Variants in ADGRF5 observed in about 807,000 individuals in gnomAD.
ADGRF5 encodes the protein adhesion G protein-coupled receptor F5.
A neutral mutation model predicts 132.3 loss-of-function variants in ADGRF5; 75 were observed. The observed-to-expected ratio is 0.57, with a 90% CI of 0.47 to 0.69. The LOEUF is 0.69. ADGRF5 is among the 30% of genes least tolerant of loss of function. ADGRF5 has a pLI of 0.00. For missense variants in ADGRF5, 1,516 were observed against 1,630.6 expected, an observed-to-expected ratio of 0.93 and a Z score of 1.21; for synonymous variants, 629 against 597.6, an observed-to-expected ratio of 1.05 and a Z score of -0.77.
chr6:46,920,817 C>G (rs746056611), intron 1 of ADGRF5, among the ~76,000 whole-genome samples: 1 of 151,978 alleles, frequency 6.6e-6, no homozygotes, highest in African/African-American at 2.4e-5. Flanking sequence ...GAACCAAGAT[C>G]GTGCCACTGC....
chr6:46,927,477 C>T (rs1777313441), intron 1 of ADGRF5, among the ~76,000 whole-genome samples: 1 of 152,006 alleles, frequency 6.6e-6, no homozygotes, highest in Admixed American at 6.6e-5. Flanking sequence ...GAACCCCCAG[C>T]CCCCACCAAC....
chr6:46,929,437 A>G (rs1777434067), intron 1 of ADGRF5, among the ~76,000 whole-genome samples: 1 of 152,066 alleles, frequency 6.6e-6, no homozygotes, highest in African/African-American at 2.4e-5. Flanking sequence ...ACACATGTAT[A>G]CATACATAAC....
chr6:46,853,355 A>C lies in ADGRF5; in HGVS notation c.*637T>G, dbSNP rs1242029104. ...TCTTAGCTAAGAAGACATCAGGAAG[A>C]TACTGCCCAAAGTATTCATTCCCCA... On this transcript the variant is annotated 3_prime_UTR_variant, in exon 21 of 21. Coordinates refer to ENST00000283296, the MANE Select transcript of ADGRF5 (RefSeq NM_001098518.2). The C allele has an allele frequency of 6.6e-6, 1 of 151,920 alleles. No individual in the cohort carries two copies. Among genetic ancestry groups the C allele is most frequent in the South Asian group, 2.1e-4 (1 of 4,812 alleles). 9.4% of individuals were successfully genotyped at this position (151,920 alleles called of 1,614,324 possible).
intron 1 of ADGRF5, among the ~76,000 whole-genome samples, chr6:46,948,393 A>G (rs372317508): frequency 1.6e-4 from 25 of 152,180 alleles, no homozygotes; most frequent in African/African-American, 5.1e-4. Flanking sequence ...CATTTCATCA[A>G]TGAATAAATA....
At position 46,900,061 on chromosome 6, in the gene ADGRF5, G is replaced by T; in HGVS notation, c.125C>A (p.Ala42Asp). The T allele has an allele frequency of 6.2e-7, 1 of 1,612,550 alleles. No individual in the cohort carries two copies. The highest frequency in any genetic ancestry group is 1.1e-5 in the South Asian group (1 of 91,028). ...TTTTTGCCTCAGTGCCTCTTCACCAGCTGGTTCATGTTCATGAAGACTCTG... is the reference window on the plus strand; with the variant it reads ...TTTTTGCCTCAGTGCCTCTTCACCATCTGGTTCATGTTCATGAAGACTCTG... The part of the protein sequence containing the change: ...HPLSLHEHEP[A>D]GEEALRQKRA... The change falls in exon 3 of 21, where the codon GCT becomes GAT. Residue 42 changes from alanine to aspartate, a missense_variant. Transcript: ENST00000283296.
In ADGRF5 at chr6:46,947,022, G is replaced by A. The variant is rs9381492; in HGVS notation, c.-25+7712C>T. 2.4e-4 allele frequency among the ~76,000 whole-genome samples: 36 copies of A among 152,268 alleles called. No homozygotes were observed. In the East Asian group the frequency reaches 6.6e-3, roughly 28 times the overall value. ...TTCTTTGCACTCTCATTTGCAACAC[G>A]TTGAGTTTGTGTGTTTGTATATATG... is the stretch of plus-strand genomic sequence containing the variant. On this transcript the variant is annotated intron_variant, in intron 1 of 20. Transcript: ENST00000265417.
At position 46,899,863 on chromosome 6, in the gene ADGRF5, G is replaced by T. The variant is rs144672141; in HGVS notation, c.157+166C>A. ...GTTATGATCCAGTTACTGTCATTTG[G>T]TAGAGAATGGAGTTTCCTAGTAATT... On this transcript the variant is annotated intron_variant, in intron 3 of 20. Coordinates refer to ENST00000283296, the MANE Select transcript of ADGRF5 (RefSeq NM_001098518.2). Among the ~76,000 whole-genome samples, 488 of 152,124 alleles carry T rather than the reference G, an allele frequency of 3.2e-3. 3 individuals are homozygous for T. The highest frequency in any genetic ancestry group is 0.011 in the African/African-American group (466 of 41,490).
chr6:46,889,428 A>T (rs1773406058), intron 3 of ADGRF5, among the ~76,000 whole-genome samples: 1 of 147,196 alleles, frequency 6.8e-6, no homozygotes, highest in African/African-American at 2.5e-5. Flanking sequence ...AAGTATAAAG[A>T]CTATAGTCTT....
At chr6:46,864,499 T>A (rs1419234108) in intron 14 of ADGRF5, among the ~76,000 whole-genome samples, 2 of 151,888 alleles carry the variant, frequency 1.3e-5, no homozygotes, top group African/African-American at 4.8e-5. Context: ...ACATTTCTAT[T>A]TAGCTCTTAC....
At chr6:46,861,506 C>T (rs1769743651) in intron 15 of ADGRF5, among the ~76,000 whole-genome samples, 1 of 152,012 alleles carries the variant, frequency 6.6e-6, no homozygotes, top group Non-Finnish European at 1.5e-5. Flanking sequence ...GATAGATGTT[C>T]CAACCCAGGA....
At position 46,871,325 on chromosome 6, in the gene ADGRF5, A is replaced by G. The variant is rs115796097; in HGVS notation, c.1411+518T>C. Among the ~76,000 whole-genome samples, 245 of 152,294 alleles carry G rather than the reference A, an allele frequency of 1.6e-3. 1 individual carries two copies. The highest frequency in any genetic ancestry group is 5.4e-3 in the African/African-American group (224 of 41,560). On this transcript the variant is annotated intron_variant, in intron 11 of 20. Transcript: ENST00000283296. ...GACTAACAAATCACTCGTTCCAACCATAAAATAACCAGAAAGAATCAGATT... is the reference window on the plus strand; with the variant it reads ...GACTAACAAATCACTCGTTCCAACCGTAAAATAACCAGAAAGAATCAGATT...
intron 1 of ADGRF5, among the ~76,000 whole-genome samples, chr6:46,938,911 A>C: frequency 6.7e-6 from 1 of 150,242 alleles, no homozygotes; most frequent in East Asian, 2.0e-4. Flanking sequence ...TCACTCTGTC[A>C]CCAGGCTGGA....
intron 9 of ADGRF5, 79 bp downstream of exon 9, chr6:46,879,739 C>A: frequency 1.0e-6 from 1 of 969,106 alleles, no homozygotes; most frequent in Non-Finnish European, 1.7e-6. Context: ...TACATAGCTA[C>A]GTAAAACACT....
At chr6:46,954,435 C>CAA (rs67742847) in intron 1 of ADGRF5, among the ~76,000 whole-genome samples, 15 of 95,790 alleles carry the variant, frequency 1.6e-4, no homozygotes, top group Non-Finnish European at 2.5e-4. Flanking sequence ...ATGCAGAAGC[C>CAA]AAAAAAAAAA....
chr6:46,932,675 C>T (rs534024812), intron 1 of ADGRF5, among the ~76,000 whole-genome samples: 7 of 152,298 alleles, frequency 4.6e-5, no homozygotes, highest in African/African-American at 9.6e-5. Flanking sequence ...AGGGTGACAT[C>T]GCTAGATCAG....
intron 19 of ADGRF5, among the ~76,000 whole-genome samples, chr6:46,856,270 G>A (rs959022507): frequency 6.6e-6 from 1 of 152,254 alleles, no homozygotes; most frequent in South Asian, 2.1e-4. Flanking sequence ...TAGGCTTCTA[G>A]CATTTTCTGA....
chr6:46,866,266 G>A (rs1490442194), intron 13 of ADGRF5, among the ~76,000 whole-genome samples: 1 of 152,106 alleles, frequency 6.6e-6, no homozygotes, highest in Non-Finnish European at 1.5e-5. Context: ...CCAGAGATGA[G>A]GCCAAGGTCT....
chr6:46,881,237 C>T (rs571972001), intron 8 of ADGRF5, among the ~76,000 whole-genome samples: 1 of 152,228 alleles, frequency 6.6e-6, no homozygotes, highest in East Asian at 1.9e-4. Flanking sequence ...GGCTCTGTGG[C>T]CCCCTTGTAA....
chr6:46,884,260 C>G lies in ADGRF5; in HGVS notation c.340G>C (p.Ala114Pro), dbSNP rs970884023. The G allele has an allele frequency of 6.2e-7, 1 of 1,613,092 alleles. No homozygotes were observed. Among genetic ancestry groups the G allele is most frequent in the Admixed American group, 1.7e-5 (1 of 59,988 alleles). The change falls in exon 5 of 21, where the codon GCT becomes CCT. Residue 114 changes from alanine (A) to proline (P), a missense_variant. Ala to Pro is a conservative substitution (Grantham distance 27). Around this residue, in one of 2 missense-constraint regions of ADGRF5, gnomAD observed 945 missense variants for 929.4 expected, o/e 1.02. Transcript: ENST00000283296. ...SINVTTVCRP[A>P]GNEIWCSCET... ...CAGGAGCACCAGATTTCATTTCCAGCAGGTCTGCAGACTATCGTTAATCAG... is the reference window on the plus strand; with the variant it reads ...CAGGAGCACCAGATTTCATTTCCAGGAGGTCTGCAGACTATCGTTAATCAG...
Sources: gnomAD v4.1 joint callset for allele counts (sites outside exome capture counted in the v4.1 genomes callset) on GRCh38, gnomAD v4.1.1 for gene constraint, gnomAD v4.1.1 regional missense constraint, MANE v1.5 for transcripts, NCBI Gene and HGNC (gene_info 2026-07-23, HGNC 2026-07-21) for gene names.